Variants in FAS observed in about 807,000 individuals in gnomAD.
The protein encoded by FAS is tumor necrosis factor receptor superfamily member 6.
In FAS, 5 loss-of-function variants were observed where a neutral mutation model predicts 33.2. The observed-to-expected ratio is 0.15, with a 90% CI of 0.08 to 0.32. The LOEUF (loss-of-function observed/expected upper bound fraction) is 0.32. Ranked by LOEUF, FAS falls within the 10% of genes least tolerant of loss-of-function variation. The probability of loss-of-function intolerance (pLI) is 1.00; values close to 1 mark genes in which losing one functional copy is unlikely to be tolerated. For missense variants in FAS, 339 were observed against 386.0 expected (o/e 0.88, Z 1.02); for synonymous variants, 131 against 130.7 (o/e 1.00, Z -0.01).
chr10:88,966,607 C>T (rs4145760), intron 1 of FAS, among the ~76,000 whole-genome samples: 22,025 of 152,114 alleles, frequency 0.14, 2,454 homozygotes, highest in East Asian at 0.45. Context: ...GAAAGCATGA[C>T]TTAGACAGAG....
rs113837670 is a variant in FAS at position 89,011,602 on chromosome 10, T to C, written c.569-397T>C. ...GCATACACCTATTGAGTATGTATGC[T>C]TGAGTTATTTGTGTGTGTATTTCAT... On this transcript the variant is annotated intron_variant, in intron 6 of 8. Coordinates refer to ENST00000652046, the MANE Select transcript of FAS (RefSeq NM_000043.6). 1.3e-3 allele frequency among the ~76,000 whole-genome samples: 202 copies of C among 152,332 alleles called. 1 individual carries two copies. Among genetic ancestry groups the C allele is most frequent in the African/African-American group, 4.6e-3 (190 of 41,570 alleles).
At chr10:89,003,003 A>G (rs775262380) in intron 1 of FAS, 26 bp from the exon 2 acceptor site, 26 of 1,613,472 alleles carry the variant, frequency 1.6e-5, no homozygotes, top group Non-Finnish European at 2.2e-5. Flanking sequence ...AATCAATAAA[A>G]TTCTCTTCAT....
chr10:89,007,866 G>A (rs1446553156), intron 3 of FAS, 29 bp downstream of exon 3: 2 of 1,613,112 alleles, frequency 1.2e-6, no homozygotes, highest in African/African-American at 1.3e-5. Flanking sequence ...AATTGAAAGA[G>A]GCCAATCTTG....
intron 1 of FAS, among the ~76,000 whole-genome samples, chr10:88,995,955 G>A (rs1311614860): frequency 6.6e-6 from 1 of 152,216 alleles, no homozygotes; most frequent in Non-Finnish European, 1.5e-5. Flanking sequence ...ACTATAGGTT[G>A]TGTTAAGGCA....
intron 4 of FAS, among the ~76,000 whole-genome samples, chr10:89,009,886 T>G (rs1479456832): frequency 1.3e-5 from 2 of 152,224 alleles, no homozygotes; most frequent in African/African-American, 4.8e-5. Flanking sequence ...CATAACCTTT[T>G]GAAATAGATA....
intron 1 of FAS, among the ~76,000 whole-genome samples, chr10:88,964,136 AT>A (rs1171699220): frequency 6.6e-6 from 1 of 152,064 alleles, no homozygotes; most frequent in Non-Finnish European, 1.5e-5. Flanking sequence ...AGTTTAATAT[AT>A]TTTAGTTTAG....
upstream of FAS, among the ~76,000 whole-genome samples, chr10:88,982,059 T>C (rs147509588): frequency 7.6e-3 from 1,156 of 152,336 alleles, 9 homozygotes; most frequent in African/African-American, 0.026. Flanking sequence ...TTAACTGGTA[T>C]GTGTTAGTTC....
At chr10:88,979,854 C>T (rs1471408764) in intron 2 of FAS, among the ~76,000 whole-genome samples, 1 of 152,230 alleles carries the variant, frequency 6.6e-6, no homozygotes, top group Non-Finnish European at 1.5e-5. Context: ...GTCCTCACCA[C>T]ACACCTCCTC....
chr10:88,989,568 A>C, upstream of FAS: 1 of 541,534 alleles, frequency 1.8e-6, no homozygotes, highest in South Asian at 1.4e-5. Context: ...ATCAACACCT[A>C]CAAGACTGGT....
chr10:88,998,253 CTGTT>C (rs1279573550), intron 1 of FAS, among the ~76,000 whole-genome samples: 2 of 150,692 alleles, frequency 1.3e-5, no homozygotes, highest in Admixed American at 6.6e-5. Flanking sequence ...TTATCTTCCT[CTGTT>C]TGTATGTGTG....
chr10:88,998,970 T>G (rs1847765234), intron 1 of FAS, among the ~76,000 whole-genome samples: 1 of 151,802 alleles, frequency 6.6e-6, no homozygotes, highest in Non-Finnish European at 1.5e-5. Context: ...CTGGCCAACA[T>G]GGTGAAACCC....
rs372866793 is a variant in FAS at position 89,010,780 on chromosome 10, G to A, written c.533G>A (p.Cys178Tyr). The change falls in exon 6 of 9, where the codon TGT (cysteine) becomes TAT (tyrosine). Residue 178 changes from cysteine to tyrosine, a missense_variant. Transcript: ENST00000652046. ...EGSRSNLGWL[C>Y]LLLLPIPLIV... ...TCCAGATCTAACTTGGGGTGGCTTT[G>A]TCTTCTTCTTTTGCCAATTCCACTA... 2 of 1,613,886 alleles carry A rather than the reference G, an allele frequency of 1.2e-6. No individual in the cohort carries two copies. The highest frequency in any genetic ancestry group is 2.7e-5 in the African/African-American group (2 of 74,910).
intron 2 of FAS, among the ~76,000 whole-genome samples, chr10:89,007,090 C>T (rs1253866340): frequency 1.3e-5 from 2 of 152,172 alleles, no homozygotes; most frequent in African/African-American, 4.8e-5. Flanking sequence ...GAGTGCAGCT[C>T]TGACAGCAAT....
upstream of FAS, among the ~76,000 whole-genome samples, chr10:88,983,609 CAAAAAAAAAAAAAA>C (rs71022549): frequency 1.1e-4 from 5 of 46,456 alleles, no homozygotes; most frequent in East Asian, 8.3e-4. Context: ...ACAGGTTATG[CAAAAAAAAAAAAAA>C]AAAAAAAAAA....
At chr10:89,010,963 T>A in intron 6 of FAS, 148 bp downstream of exon 6, 1 of 889,166 alleles carries the variant, frequency 1.1e-6, no homozygotes. Context: ...CCTTGAGAGC[T>A]GACTGATAAG....
rs55766344 is a variant in FAS at position 89,003,095 on chromosome 10, A to G, written c.97A>G (p.Lys33Glu). Residue 33 changes from lysine (K) to glutamate (E), a missense_variant, in exon 2 of 9, where the codon AAG (lysine) becomes GAG (glutamate). Lys to Glu is a moderately conservative substitution (Grantham distance 56). This residue lies in a region of FAS where 276 missense variants were observed against 300.1 expected (regional missense o/e 0.92). Coordinates refer to ENST00000652046, the MANE Select transcript of FAS (RefSeq NM_000043.6). Reference protein sequence around the residue: ...VNAQVTDINSKGLELRKTVTT... With the variant: ...VNAQVTDINSEGLELRKTVTT... ...TGCCCAAGTGACTGACATCAACTCC[A>G]AGGGATTGGAATTGAGGAAGACTGT... is the stretch of plus-strand genomic sequence containing the variant. 1.7e-5 allele frequency: 27 copies of G among 1,614,036 alleles called. No homozygotes were observed. Among genetic ancestry groups the G allele is most frequent in the Non-Finnish European group, 2.2e-5 (26 of 1,180,002 alleles).
At chr10:89,007,627 A>G in intron 2 of FAS, 73 bp from the exon 3 acceptor site, 1 of 1,576,254 alleles carries the variant, frequency 6.3e-7, no homozygotes, top group Non-Finnish European at 8.6e-7. Context: ...ATTGTCTGTC[A>G]TCCCTCTATA....
intron 1 of FAS, among the ~76,000 whole-genome samples, chr10:88,965,538 G>A (rs1478674753): frequency 1.3e-5 from 2 of 152,178 alleles, no homozygotes; most frequent in African/African-American, 4.8e-5. Flanking sequence ...CGGCTGCCTA[G>A]TGTACTTGCC....
intron 1 of FAS, among the ~76,000 whole-genome samples, chr10:88,970,403 T>C (rs1414993960): frequency 6.6e-6 from 1 of 152,140 alleles, no homozygotes; most frequent in Non-Finnish European, 1.5e-5. Context: ...GACTTCCATT[T>C]CACTTTTATC....
Sources: allele counts gnomAD v4.1 joint callset (sites outside exome capture counted in the v4.1 genomes callset), GRCh38; gene constraint gnomAD v4.1.1; regional missense constraint gnomAD v4.1.1; transcripts MANE v1.5; gene names NCBI Gene and HGNC (gene_info 2026-07-23, HGNC 2026-07-21).